Variants in LRMDA observed in about 807,000 individuals in gnomAD.
LRMDA encodes the protein leucine rich melanocyte differentiation associated.
Under a neutral mutation model 29.8 loss-of-function variants are expected in LRMDA, and 18 were observed. The observed-to-expected ratio is 0.60, with a 90% confidence interval of 0.42 to 0.90. LRMDA has a LOEUF of 0.90. Ranked by LOEUF, LRMDA falls within the 40% of genes least tolerant of loss-of-function variation. The pLI, the probability that LRMDA is intolerant of heterozygous loss-of-function variation, is 0.00. For synonymous variants in LRMDA, 125 were observed against 109.4 expected, an observed-to-expected ratio of 1.14 and a Z score of -0.89; for missense variants, 273 against 273.9, an observed-to-expected ratio of 1.00 and a Z score of 0.02.
At chr10:76,272,595 T>C (rs1840081514) in intron 5 of LRMDA, among the ~76,000 whole-genome samples, 1 of 152,206 alleles carries the variant, frequency 6.6e-6, no homozygotes, top group African/African-American at 2.4e-5. Flanking sequence ...ACAGACTCAG[T>C]CAAGGAACCC....
At chr10:75,453,192 C>G (rs1419303709) in intron 2 of LRMDA, among the ~76,000 whole-genome samples, 1 of 152,180 alleles carries the variant, frequency 6.6e-6, no homozygotes, top group South Asian at 2.1e-4. Context: ...TCTGTGAATG[C>G]CTTCAGAGAC....
intron 2 of LRMDA, among the ~76,000 whole-genome samples, chr10:75,737,610 C>G (rs1201445332): frequency 6.6e-6 from 1 of 152,196 alleles, no homozygotes; most frequent in Non-Finnish European, 1.5e-5. Context: ...CTTCAGCAAA[C>G]CTCATTGACT....
At position 76,463,917 on chromosome 10, in the gene LRMDA, A is replaced by ATTTTTTTTTTTTTTTTT. The variant is rs763472626; in HGVS notation, c.602-93291_602-93275dup. 3.5e-5 allele frequency among the ~76,000 whole-genome samples: 4 copies of ATTTTTTTTTTTTTTTTT among 112,886 alleles called. 1 individual carries two copies. Among genetic ancestry groups the ATTTTTTTTTTTTTTTTT allele is most frequent in the South Asian group, 6.0e-4 (2 of 3,348 alleles). The allele number at this position is 112,886 out of a possible 152,430, so 74.1% of individuals were successfully genotyped here. On this transcript the variant is annotated intron_variant, in intron 6 of 6. Coordinates refer to ENST00000611255, the MANE Select transcript of LRMDA (RefSeq NM_001305581.2). Reference sequence around the variant, plus strand: ...CTGGCACACAGTAGGTGCAAAATAAATTTTTTTTTTTTTTTTTGTGAGATG... The same window carrying ATTTTTTTTTTTTTTTTT: ...CTGGCACACAGTAGGTGCAAAATAAATTTTTTTTTTTTTTTTTTTTTTTTTTTTTTTTTTGTGAGATG...
Position 76,367,971 on chromosome 10 carries a change from G to A in LRMDA, c.601+43486G>A, listed in dbSNP as rs890345526. On this transcript the variant is annotated intron_variant, in intron 6 of 6. Transcript: ENST00000611255. ...ATCTCCTTTTTCATTTCTTAGTGAG[G>A]TTATTTGGATCTTCTGTCTTCTTTT... 8.5e-5 allele frequency among the ~76,000 whole-genome samples: 13 copies of A among 152,158 alleles called. No individual in the cohort carries two copies. The South Asian group carries it at 2.3e-3, about 27-fold the overall frequency.
intron 2 of LRMDA, among the ~76,000 whole-genome samples, chr10:75,595,502 A>G (rs1285734612): frequency 6.6e-6 from 1 of 150,788 alleles, no homozygotes; most frequent in Non-Finnish European, 1.5e-5. Flanking sequence ...TTATATATAC[A>G]TATTTATGTA....
At chr10:75,666,702 T>A (rs1306897001) in intron 2 of LRMDA, among the ~76,000 whole-genome samples, 4 of 152,300 alleles carry the variant, frequency 2.6e-5, no homozygotes, top group African/African-American at 7.2e-5. Context: ...TGGTTGGTTT[T>A]TTTTTGAGAT....
chr10:76,408,408 G>A (rs1841924235), intron 6 of LRMDA, among the ~76,000 whole-genome samples: 1 of 152,060 alleles, frequency 6.6e-6, no homozygotes, highest in Non-Finnish European at 1.5e-5. Context: ...TTACTTAAAA[G>A]CATAATTCTC....
At chr10:76,032,808 C>T (rs1036807075) in intron 2 of LRMDA, among the ~76,000 whole-genome samples, 6 of 152,096 alleles carry the variant, frequency 3.9e-5, no homozygotes, top group African/African-American at 1.2e-4. Context: ...TCCTATCAGC[C>T]CCCAGCCCAT....
chr10:76,416,398 C>A (rs375383630), intron 6 of LRMDA, among the ~76,000 whole-genome samples: 5 of 152,190 alleles, frequency 3.3e-5, no homozygotes, highest in Non-Finnish European at 7.3e-5. Context: ...ACTTATAATG[C>A]GGCCTCGGAC....
intron 6 of LRMDA, among the ~76,000 whole-genome samples, chr10:76,490,485 A>C (rs1443321638): frequency 1.3e-5 from 2 of 151,688 alleles, no homozygotes; most frequent in African/African-American, 4.8e-5. Context: ...TATGTATTTA[A>C]AATTGTTATA....
intron 6 of LRMDA, among the ~76,000 whole-genome samples, chr10:76,428,718 C>G (rs1842156792): frequency 6.6e-6 from 1 of 152,144 alleles, no homozygotes; most frequent in African/African-American, 2.4e-5. Flanking sequence ...TGCATCTTAG[C>G]AAGGCATGGA....
intron 2 of LRMDA, among the ~76,000 whole-genome samples, chr10:75,616,762 A>G (rs564849775): frequency 4.6e-5 from 7 of 152,338 alleles, no homozygotes; most frequent in Non-Finnish European, 1.0e-4. Flanking sequence ...TTGTAGCATG[A>G]CATTGGTGAA....
chr10:76,394,394 G>A (rs780359774), intron 6 of LRMDA, among the ~76,000 whole-genome samples: 1 of 152,070 alleles, frequency 6.6e-6, no homozygotes, highest in Non-Finnish European at 1.5e-5. Flanking sequence ...GCTTTTCACT[G>A]GCAATCATAT....
intron 2 of LRMDA, among the ~76,000 whole-genome samples, chr10:75,824,290 A>G (rs1176225133): frequency 6.6e-6 from 1 of 152,074 alleles, no homozygotes; most frequent in Non-Finnish European, 1.5e-5. Context: ...TTGTTGGCTC[A>G]TATTTCTATT....
At chr10:75,575,943 C>A (rs1218341006) in intron 2 of LRMDA, among the ~76,000 whole-genome samples, 2 of 151,892 alleles carry the variant, frequency 1.3e-5, no homozygotes, top group Non-Finnish European at 2.9e-5. Context: ...GCCGTTTGGG[C>A]AGACACCGAG....
chr10:76,064,093 T>C (rs1848745998), intron 5 of LRMDA, among the ~76,000 whole-genome samples: 1 of 152,224 alleles, frequency 6.6e-6, no homozygotes. Flanking sequence ...GTGTTCTAAT[T>C]ACTTCAGTCA....
chr10:75,964,074 G>T (rs1331128063), intron 2 of LRMDA, among the ~76,000 whole-genome samples: 1 of 152,002 alleles, frequency 6.6e-6, no homozygotes, highest in African/African-American at 2.4e-5. Context: ...TTTTTTTCAC[G>T]TTCATATTAT....
chr10:76,170,756 A>G (rs1368558961), intron 5 of LRMDA, among the ~76,000 whole-genome samples: 1 of 152,178 alleles, frequency 6.6e-6, no homozygotes, highest in African/African-American at 2.4e-5. Flanking sequence ...TAGACCTTTT[A>G]GTTTTGTGAT....
At chr10:75,438,672 C>A (rs1844290486) in intron 2 of LRMDA, among the ~76,000 whole-genome samples, 178 bp downstream of exon 2, 1 of 152,200 alleles carries the variant, frequency 6.6e-6, no homozygotes, top group South Asian at 2.1e-4. Context: ...TCCGGTGATT[C>A]CTTGGCTGCC....
Sources: allele counts gnomAD v4.1 joint callset (sites outside exome capture counted in the v4.1 genomes callset), GRCh38; gene constraint gnomAD v4.1.1; transcripts MANE v1.5; gene names NCBI Gene and HGNC (gene_info 2026-07-23, HGNC 2026-07-21).